PPP1R12B: variants seen among roughly 807,000 people sequenced by gnomAD.
PPP1R12B encodes myosin phosphatase target subunit 2.
PPP1R12B carries 76 observed loss-of-function variants against 126.1 expected under a neutral mutation model. The ratio of observed to expected loss-of-function variants is 0.60; its 90% CI spans 0.50 to 0.73. PPP1R12B has a LOEUF of 0.73. Among genes scored for constraint, PPP1R12B ranks in the 30% least tolerant of loss-of-function variants. The pLI is 0.00. For missense variants in PPP1R12B, 1,052 were observed against 1,205.1 expected (o/e 0.87, Z 1.88); for synonymous variants, 356 against 434.7 (o/e 0.82, Z 2.25).
intron 13 of PPP1R12B, among the ~76,000 whole-genome samples, chr1:202,475,207 A>C (rs545988184): frequency 2.0e-5 from 3 of 152,230 alleles, no homozygotes; most frequent in Non-Finnish European, 2.9e-5. Context: ...AACAGCAAGG[A>C]AAATTTGAAC....
intron 18 of PPP1R12B, among the ~76,000 whole-genome samples, chr1:202,532,036 G>A (rs1320152960): frequency 6.6e-6 from 1 of 152,174 alleles, no homozygotes; most frequent in East Asian, 1.9e-4. Context: ...GTTACTTCTT[G>A]ATTATATGCT....
intron 13 of PPP1R12B, among the ~76,000 whole-genome samples, chr1:202,456,565 C>A (rs1345288075): frequency 6.6e-6 from 1 of 151,886 alleles, no homozygotes; most frequent in African/African-American, 2.4e-5. Context: ...TGGCTGTGGA[C>A]CTACTAAGGC....
chr1:202,480,757 T>C (rs564188849), intron 13 of PPP1R12B, among the ~76,000 whole-genome samples: 66 of 152,360 alleles, frequency 4.3e-4, no homozygotes, highest in African/African-American at 1.6e-3. Context: ...AATGCAGCAA[T>C]ATTTTACAAA....
chr1:202,364,550 T>A (rs1040397741), intron 1 of PPP1R12B, among the ~76,000 whole-genome samples: 6 of 151,680 alleles, frequency 4.0e-5, no homozygotes, highest in African/African-American at 1.5e-4. Context: ...CCTCATTTTT[T>A]AATTTTTTAA....
chr1:202,562,522 A>C (rs987561451), intron 19 of PPP1R12B: 37 of 587,920 alleles, frequency 6.3e-5, no homozygotes, highest in Non-Finnish European at 1.0e-4. Flanking sequence ...GTCAGCTCAT[A>C]GGTCCAAACC....
intron 18 of PPP1R12B, among the ~76,000 whole-genome samples, chr1:202,538,777 A>G (rs1684809113): frequency 6.6e-6 from 1 of 152,342 alleles, no homozygotes; most frequent in South Asian, 2.1e-4. Context: ...AAATCCTTCA[A>G]CACTATGCAA....
chr1:202,591,101 T>G lies in PPP1R12B; in HGVS notation c.*10541T>G, dbSNP rs1003282904. On this transcript the variant is annotated 3_prime_UTR_variant, in exon 24 of 24. Coordinates refer to ENST00000608999, the MANE Select transcript of PPP1R12B (RefSeq NM_002481.4). ...AGAGAGCTGGAGGAAGCAAGACATGTCTTCACTGGTCCAAGCACCTGATTC... is the reference window on the plus strand; with the variant it reads ...AGAGAGCTGGAGGAAGCAAGACATGGCTTCACTGGTCCAAGCACCTGATTC... The G allele has an allele frequency of 2.0e-5, 3 of 152,244 alleles. No individual in the cohort carries two copies. The highest frequency in any genetic ancestry group is 2.9e-5 in the Non-Finnish European group (2 of 68,078). 9.4% of individuals were successfully genotyped at this position (152,244 alleles called of 1,614,324 possible).
intron 23 of PPP1R12B, chr1:202,575,277 C>T: frequency 4.0e-6 from 5 of 1,236,040 alleles, no homozygotes; most frequent in Non-Finnish European, 5.5e-6. Flanking sequence ...TGGTTATCTG[C>T]AGATGGAAGC....
At position 202,437,910 on chromosome 1, in the gene PPP1R12B, C is replaced by T; in HGVS notation, c.1344C>T (p.His448=). ...TGGGACTGAGAAAAACTGGCAGCCA[C>T]AACATGCTGAGTGAGGTGGCCAATT... The part of the protein sequence containing the change: ...WRLGLRKTGS[H]NMLSEVANSR... The change falls in exon 10 of 24, where the codon CAC becomes CAT. Residue 448 remains histidine (H), a synonymous_variant. Coordinates refer to ENST00000608999, the MANE Select transcript of PPP1R12B (RefSeq NM_002481.4). 1 of 1,614,042 alleles carries T rather than the reference C, an allele frequency of 6.2e-7. No individual in the cohort carries two copies. Among genetic ancestry groups the T allele is most frequent in the Non-Finnish European group, 8.5e-7 (1 of 1,179,910 alleles).
chr1:202,568,138 A>G (rs1189045744), intron 22 of PPP1R12B, among the ~76,000 whole-genome samples: 5 of 151,806 alleles, frequency 3.3e-5, no homozygotes, highest in East Asian at 1.9e-4. Context: ...CACACAACCC[A>G]TAACATTTTG....
At position 202,419,964 on chromosome 1, in the gene PPP1R12B, G is replaced by T. The variant is rs988543317; in HGVS notation, c.423-2656G>T. On this transcript the variant is annotated intron_variant, in intron 2 of 23. Coordinates refer to ENST00000608999, the MANE Select transcript of PPP1R12B (RefSeq NM_002481.4). The surrounding 1 kb of genome is among the most constrained non-coding windows in gnomAD (Gnocchi z 4.6). ...ACATGTTGCCAGAGAAAAGGAGCAA[G>T]TAGGGGAATAGTCAATTAAATGTTC... Among the ~76,000 whole-genome samples, 1 of 152,198 alleles carries T rather than the reference G, an allele frequency of 6.6e-6. No homozygotes were observed. The highest frequency in any genetic ancestry group is 2.4e-5 in the African/African-American group (1 of 41,452).
intron 23 of PPP1R12B, among the ~76,000 whole-genome samples, chr1:202,579,691 C>A (rs1389166906): frequency 6.6e-6 from 1 of 152,112 alleles, no homozygotes; most frequent in Non-Finnish European, 1.5e-5. Flanking sequence ...GTTTCCACTC[C>A]CTCCCCTGCC....
At chr1:202,398,731 G>T (rs919430676) in intron 1 of PPP1R12B, among the ~76,000 whole-genome samples, 3 of 152,170 alleles carry the variant, frequency 2.0e-5, no homozygotes, top group African/African-American at 7.2e-5. Context: ...GTTGAGAGTG[G>T]CAAGGGTAAT....
rs775222806 is a variant in PPP1R12B at position 202,562,927 on chromosome 1, G to A, written c.2652+5G>A. 3 of 1,556,288 alleles carry A rather than the reference G, an allele frequency of 1.9e-6. No homozygotes were observed. Among genetic ancestry groups the A allele is most frequent in the African/African-American group, 2.8e-5 (2 of 72,050 alleles). ...AGCAACAGAGATTATAAAAAAGTAG[G>A]GTCTTTATTCAATTTTCCGGTTCTT... On this transcript the variant is annotated splice_donor_5th_base_variant and intron_variant, in intron 20 of 23. Coordinates refer to ENST00000608999, the MANE Select transcript of PPP1R12B (RefSeq NM_002481.4).
At chr1:202,525,941 C>T (rs531895350) in intron 18 of PPP1R12B, among the ~76,000 whole-genome samples, 26 of 152,334 alleles carry the variant, frequency 1.7e-4, no homozygotes, top group African/African-American at 4.8e-4. Flanking sequence ...TCAGGTGATC[C>T]GCCTTGGCCT....
intron 18 of PPP1R12B, among the ~76,000 whole-genome samples, chr1:202,548,808 C>CTCTCTA (rs1218548068): frequency 2.1e-3 from 154 of 72,976 alleles, no homozygotes; most frequent in Non-Finnish European, 3.0e-3. Context: ...CTCTCTCTCT[C>CTCTCTA]TATATATATA....
At chr1:202,349,329 G>A (rs996356032) in intron 1 of PPP1R12B, among the ~76,000 whole-genome samples, 187 bp downstream of exon 1, 6 of 152,152 alleles carry the variant, frequency 3.9e-5, no homozygotes, top group Admixed American at 3.9e-4. Flanking sequence ...TGACCCCAGG[G>A]TCTTAGGAAT....
chr1:202,367,829 C>T (rs1269263357), intron 1 of PPP1R12B, among the ~76,000 whole-genome samples: 6 of 152,072 alleles, frequency 3.9e-5, no homozygotes, highest in Admixed American at 1.3e-4. Flanking sequence ...ATCTGTCCCC[C>T]GCAAATCTCA....
rs1689680339 is a variant in PPP1R12B, at chr1:202,583,929, A to G, written c.*3369A>G. Reference sequence around the variant, plus strand: ...GTTTTCATTAATTTGTTATTTTTCAAAAACCGAGCCACACCTTTGGAAGTA... The same window carrying G: ...GTTTTCATTAATTTGTTATTTTTCAGAAACCGAGCCACACCTTTGGAAGTA... On this transcript the variant is annotated 3_prime_UTR_variant, in exon 24 of 24. Transcript: ENST00000608999. The G allele has an allele frequency of 6.6e-6, 1 of 152,214 alleles. No homozygotes were observed. Among genetic ancestry groups the G allele is most frequent in the African/African-American group, 2.4e-5 (1 of 41,446 alleles). 9.4% of individuals were successfully genotyped at this position (152,214 alleles called of 1,614,324 possible). A position where few individuals can be genotyped will look rare whatever the true frequency, so the allele number is the denominator to read the frequency against.
Sources: gnomAD v4.1 joint callset for allele counts (sites outside exome capture counted in the v4.1 genomes callset) on GRCh38, gnomAD v4.1.1 for gene constraint, Gnocchi (gnomAD v3.1) non-coding constraint, MANE v1.5 for transcripts, NCBI Gene and HGNC (gene_info 2026-07-23, HGNC 2026-07-21) for gene names.